SHC2: variants seen among roughly 807,000 people sequenced by gnomAD.
SHC2 encodes SHC adaptor protein 2, also known as SHC-transforming protein 2.
A neutral mutation model predicts 60.6 loss-of-function variants in SHC2; 62 were observed. The ratio of observed to expected loss-of-function variants is 1.02; its 90% CI spans 0.83 to 1.26. SHC2 has a LOEUF of 1.26. Among genes scored for constraint, SHC2 ranks in the 50% most tolerant of loss-of-function variants. The pLI is 0.00. For synonymous variants in SHC2, 375 were observed against 372.4 expected (o/e 1.01, Z -0.08); for missense variants, 873 against 822.2 (o/e 1.06, Z -0.76).
intron 9 of SHC2, among the ~76,000 whole-genome samples, chr19:426,272 G>A (rs980230570): frequency 5.9e-5 from 9 of 152,228 alleles, no homozygotes; most frequent in Non-Finnish European, 1.3e-4. Context: ...ACCAAGAGGG[G>A]CACAGATTCT....
At position 445,756 on chromosome 19, in the gene SHC2, G is replaced by A. The variant is rs1052590474; in HGVS notation, c.469-4824C>T. On this transcript the variant is annotated intron_variant, in intron 1 of 12. Transcript: ENST00000264554. This position sits in a 1 kb window ranked among gnomAD's most constrained non-coding sequence, Gnocchi z 4.4. Reference sequence around the variant, plus strand: ...ATGTCTTAAAAAACACATTTTTGCCGGGCGCGGTGGCTCACGCCTGTAATC... The same window carrying A: ...ATGTCTTAAAAAACACATTTTTGCCAGGCGCGGTGGCTCACGCCTGTAATC... 2.6e-5 allele frequency among the ~76,000 whole-genome samples: 4 copies of A among 151,966 alleles called. No individual in the cohort carries two copies. Among genetic ancestry groups the A allele is most frequent in the Admixed American group, 6.6e-5 (1 of 15,250 alleles).
chr19:437,578 C>T (rs947394782), intron 4 of SHC2, among the ~76,000 whole-genome samples: 1 of 152,076 alleles, frequency 6.6e-6, no homozygotes, highest in Non-Finnish European at 1.5e-5. Context: ...CTGCTTGGAG[C>T]CTCAGTATCC....
At position 460,592 on chromosome 19, in the gene SHC2, G is replaced by A. The variant is rs1975523727; in HGVS notation, c.405C>T (p.Pro135=). 1 of 1,406,762 alleles carries A rather than the reference G, an allele frequency of 7.1e-7. No homozygotes were observed. The highest frequency in any genetic ancestry group is 9.3e-7 in the Non-Finnish European group (1 of 1,072,980). 87.1% of individuals were successfully genotyped at this position (1,406,762 alleles called of 1,614,324 possible). ...WIRKGSFIHK[P]AHGWLHPDAR... is the part of the protein sequence containing the mutation. ...CGTCGGGGTGTAGCCAGCCGTGCGCGGGTTTGTGGATGAAGCTGCCCTTCC... is the reference window on the plus strand; with the variant it reads ...CGTCGGGGTGTAGCCAGCCGTGCGCAGGTTTGTGGATGAAGCTGCCCTTCC... Residue 135 remains proline, a synonymous_variant, in exon 1 of 13, where the codon CCC becomes CCT. Coordinates refer to ENST00000264554, the MANE Select transcript of SHC2 (RefSeq NM_012435.3).
chr19:421,412 A>AAAAG (rs1555703190), intron 11 of SHC2, among the ~76,000 whole-genome samples: 174 of 144,552 alleles, frequency 1.2e-3, no homozygotes, highest in African/African-American at 4.3e-3. Context: ...AAAAAAAAAA[A>AAAAG]AAAAGAAAAG....
chr19:438,959 G>A lies in SHC2; in HGVS notation c.600+11C>T. ...CCACCAGCCCCACGAGAGACCACAA[G>A]CCTCACTCACCTTTTTCTTCCAGGA... On this transcript the variant is annotated intron_variant, in intron 3 of 12. Transcript: ENST00000264554. The surrounding 1 kb of genome is among the most constrained non-coding windows in gnomAD (Gnocchi z 5.0). The A allele has an allele frequency of 6.3e-7, 1 of 1,596,740 alleles. No homozygotes were observed. Among genetic ancestry groups the A allele is most frequent in the Non-Finnish European group, 8.5e-7 (1 of 1,171,776 alleles).
chr19:433,448 G>T (rs917287690), intron 8 of SHC2, among the ~76,000 whole-genome samples: 7 of 21,274 alleles, frequency 3.3e-4, no homozygotes, highest in African/African-American at 1.9e-3. Context: ...AGGCCGGGCA[G>T]ATGGCGCTTC....
At position 421,386 on chromosome 19, in the gene SHC2, C is replaced by T. The variant is rs141514852; in HGVS notation, c.1620+760G>A. Among the ~76,000 whole-genome samples the T allele has an allele frequency of 4.7e-3, 578 of 122,768 alleles. 1 individual carries two copies. The highest frequency in any genetic ancestry group is 0.018 in the African/African-American group (553 of 31,322). 80.5% of individuals were successfully genotyped at this position (122,768 alleles called of 152,430 possible). A position where few individuals can be genotyped will look rare whatever the true frequency, so the allele number is the denominator to read the frequency against. Reference sequence around the variant, plus strand: ...TTGCATTCCAGCCGGGGCAACAGTGCGAGACTCCATCAAAAAAAAAAAAAA... The same window carrying T: ...TTGCATTCCAGCCGGGGCAACAGTGTGAGACTCCATCAAAAAAAAAAAAAA... On this transcript the variant is annotated intron_variant, in intron 11 of 12. Coordinates refer to ENST00000264554, the MANE Select transcript of SHC2 (RefSeq NM_012435.3).
intron 9 of SHC2, 91 bp downstream of exon 9, chr19:430,593 A>G (rs2145708544): frequency 1.1e-6 from 1 of 945,948 alleles, no homozygotes; most frequent in Admixed American, 2.5e-5. Flanking sequence ...ATAAGCAGAG[A>G]GGAGAAAGAC....
Position 440,008 on chromosome 19 carries a change from A to C in SHC2, c.539+854T>G, listed in dbSNP as rs1185118473. On this transcript the variant is annotated intron_variant, in intron 2 of 12. Transcript: ENST00000264554. This position sits in a 1 kb window ranked among gnomAD's most constrained non-coding sequence, Gnocchi z 7.0. ...GTCACTGCACTCCAGCCTGGGCAACAGAGTGAGACTCCATCTCAAAAAAAA... is the reference window on the plus strand; with the variant it reads ...GTCACTGCACTCCAGCCTGGGCAACCGAGTGAGACTCCATCTCAAAAAAAA... Among the ~76,000 whole-genome samples, 1 of 147,642 alleles carries C rather than the reference A, an allele frequency of 6.8e-6. No homozygotes were observed. The highest frequency in any genetic ancestry group is 6.7e-5 in the Admixed American group (1 of 14,896).
At position 441,123 on chromosome 19, in the gene SHC2, CCT is replaced by C; in HGVS notation, c.469-193_469-192del. 1 of 985,046 alleles carries C rather than the reference CCT, an allele frequency of 1.0e-6. No homozygotes were observed. Among genetic ancestry groups the C allele is most frequent in the Non-Finnish European group, 1.2e-6 (1 of 829,858 alleles). 61.0% of individuals were successfully genotyped at this position (985,046 alleles called of 1,614,324 possible). The stretch of plus-strand genomic sequence containing the variant: ...CTTGACACTGTCCTGCGAGCCGCCC[CCT>C]CTGACTCCAGGCATGTTTTTCTGTG... On this transcript the variant is annotated intron_variant, in intron 1 of 12. Transcript: ENST00000264554. This position sits in a 1 kb window ranked among gnomAD's most constrained non-coding sequence, Gnocchi z 4.9.
intron 1 of SHC2, among the ~76,000 whole-genome samples, chr19:456,464 G>A (rs1223387811): frequency 4.6e-5 from 7 of 152,106 alleles, no homozygotes; most frequent in East Asian, 3.9e-4. Flanking sequence ...GCCTCCTCCC[G>A]GGTCTCTGCT....
chr19:438,624 G>T lies in SHC2; in HGVS notation c.720+94C>A, dbSNP rs1974774924. The T allele has an allele frequency of 7.1e-7, 1 of 1,401,880 alleles. No individual in the cohort carries two copies. Among genetic ancestry groups the T allele is most frequent in the Non-Finnish European group, 9.6e-7 (1 of 1,042,156 alleles). 86.8% of individuals were successfully genotyped at this position (1,401,880 alleles called of 1,614,324 possible). A position where few individuals can be genotyped will look rare whatever the true frequency, so the allele number is the denominator to read the frequency against. The stretch of plus-strand genomic sequence containing the variant: ...TCGTCTTTCTGGATAAACGCCACCT[G>T]CTGCCCGCCCCCAGCACCCCACCTG... On this transcript the variant is annotated intron_variant, in intron 4 of 12. Transcript: ENST00000264554. This position sits in a 1 kb window ranked among gnomAD's most constrained non-coding sequence, Gnocchi z 5.0.
intron 12 of SHC2, among the ~76,000 whole-genome samples, chr19:417,666 GGGTCACCAACGCCTTTCCGAGGGGACGCA>G (rs1281138684): frequency 6.6e-6 from 1 of 152,244 alleles, no homozygotes; most frequent in African/African-American, 2.4e-5. Flanking sequence ...GTTATTTCTG[GGGTCACCAACGCCTTTCCGAGGGGACGCA>G]GGCAGGGACC....
intron 2 of SHC2, 42 bp from the exon 3 acceptor site, chr19:439,072 G>A (rs1600300481): frequency 2.8e-6 from 4 of 1,405,482 alleles, no homozygotes; most frequent in Non-Finnish European, 3.9e-6. Context: ...TGGTGGGGGT[G>A]GCCATGGAGG....
At chr19:419,184 G>A (rs1974216759) in intron 11 of SHC2, 128 bp from the exon 12 acceptor site, 5 of 1,066,220 alleles carry the variant, frequency 4.7e-6, no homozygotes, top group Admixed American at 3.0e-5. Flanking sequence ...CCGGACCAGG[G>A]AATTCCGGGA....
At position 446,531 on chromosome 19, in the gene SHC2, G is replaced by A. The variant is rs1374157523; in HGVS notation, c.469-5599C>T. ...TCATCATATTGGCCTCGCTGGTCTC[G>A]ATCTCTTGACCTTGTGATCCGCCTC... On this transcript the variant is annotated intron_variant, in intron 1 of 12. Coordinates refer to ENST00000264554, the MANE Select transcript of SHC2 (RefSeq NM_012435.3). The surrounding 1 kb of genome is among the most constrained non-coding windows in gnomAD (Gnocchi z 5.4). Among the ~76,000 whole-genome samples, 1 of 151,964 alleles carries A rather than the reference G, an allele frequency of 6.6e-6. No homozygotes were observed. The highest frequency in any genetic ancestry group is 1.5e-5 in the Non-Finnish European group (1 of 67,988).
chr19:451,902 G>A (rs1406227201), intron 1 of SHC2, among the ~76,000 whole-genome samples: 1 of 152,128 alleles, frequency 6.6e-6, no homozygotes, highest in African/African-American at 2.4e-5. Context: ...TGGCAGCATC[G>A]TTTTTATACA....
chr19:427,098 C>T (rs372086423), intron 9 of SHC2, among the ~76,000 whole-genome samples: 1 of 152,242 alleles, frequency 6.6e-6, no homozygotes, highest in Non-Finnish European at 1.5e-5. Flanking sequence ...CACAGCTGGG[C>T]ACCGGGTGGG....
intron 11 of SHC2, among the ~76,000 whole-genome samples, chr19:420,049 G>A (rs773399187): frequency 1.3e-5 from 2 of 152,238 alleles, no homozygotes; most frequent in East Asian, 1.9e-4. Flanking sequence ...ACTGGGAATG[G>A]GAGCTGGGAA....
Sources: allele counts gnomAD v4.1 joint callset (sites outside exome capture counted in the v4.1 genomes callset), GRCh38; gene constraint gnomAD v4.1.1; non-coding constraint Gnocchi (gnomAD v3.1); transcripts MANE v1.5; gene names NCBI Gene and HGNC (gene_info 2026-07-23, HGNC 2026-07-21).